Variants in HMBOX1 observed in about 807,000 individuals in gnomAD.
HMBOX1 encodes the protein homeobox-containing protein 1.
HMBOX1 carries 14 observed loss-of-function variants against 54.5 expected under a neutral mutation model. The observed-to-expected ratio is 0.26, with a 90% CI of 0.17 to 0.40. The LOEUF is 0.40. Among genes scored for constraint, HMBOX1 ranks in the 10% least tolerant of loss-of-function variants. HMBOX1 has a pLI of 1.00. For synonymous variants in HMBOX1, 160 were observed against 181.0 expected (o/e 0.88, Z 0.93); for missense variants, 332 against 514.4 (o/e 0.65, Z 3.43).
At chr8:29,035,623 G>A (rs1803731256) in intron 6 of HMBOX1, among the ~76,000 whole-genome samples, 1 of 152,198 alleles carries the variant, frequency 6.6e-6, no homozygotes, top group Non-Finnish European at 1.5e-5. Context: ...AGGTACCACG[G>A]TTTCCGCTGG....
chr8:28,989,527 A>C (rs895442996), intron 4 of HMBOX1, among the ~76,000 whole-genome samples: 2 of 152,142 alleles, frequency 1.3e-5, no homozygotes, highest in East Asian at 1.9e-4. Context: ...TTGGACATGC[A>C]TGCAAGGTCT....
intron 2 of HMBOX1, among the ~76,000 whole-genome samples, chr8:28,968,755 C>G (rs1826881146): frequency 6.6e-6 from 1 of 152,204 alleles, no homozygotes; most frequent in Non-Finnish European, 1.5e-5. Context: ...CTGTTTCCAT[C>G]TGCAAACACT....
intron 1 of HMBOX1, among the ~76,000 whole-genome samples, chr8:28,898,701 C>T (rs1017890012): frequency 6.6e-6 from 1 of 152,182 alleles, no homozygotes; most frequent in African/African-American, 2.4e-5. Context: ...GCTTCTCTGA[C>T]TGGTAAGTGG....
At chr8:28,922,301 G>A (rs886960635) in intron 1 of HMBOX1, among the ~76,000 whole-genome samples, 11 of 152,146 alleles carry the variant, frequency 7.2e-5, no homozygotes, top group Admixed American at 3.3e-4. Flanking sequence ...CTTTGCAAAT[G>A]CTACGCTATT....
At chr8:28,981,741 G>T (rs1017651694) in intron 4 of HMBOX1, among the ~76,000 whole-genome samples, 1 of 151,746 alleles carries the variant, frequency 6.6e-6, no homozygotes, top group African/African-American at 2.4e-5. Context: ...GCAAATCATA[G>T]TAACATATGT....
At chr8:28,989,731 T>C (rs1411717094) in intron 4 of HMBOX1, among the ~76,000 whole-genome samples, 1 of 152,236 alleles carries the variant, frequency 6.6e-6, no homozygotes, top group Non-Finnish European at 1.5e-5. Flanking sequence ...TTTCAGTTTC[T>C]ACAAAAAGCA....
intron 4 of HMBOX1, among the ~76,000 whole-genome samples, chr8:29,000,099 T>C (rs1354625023): frequency 6.6e-6 from 1 of 152,218 alleles, no homozygotes; most frequent in Non-Finnish European, 1.5e-5. Context: ...AAAGTTATTA[T>C]TCTTTGTGGT....
intron 6 of HMBOX1, among the ~76,000 whole-genome samples, chr8:29,030,908 A>G (rs1802861478): frequency 6.6e-6 from 1 of 152,216 alleles, no homozygotes; most frequent in East Asian, 1.9e-4. Flanking sequence ...CATTATAGAA[A>G]TGAAATATCT....
chr8:29,011,162 A>G (rs890143404), intron 5 of HMBOX1, among the ~76,000 whole-genome samples: 7 of 152,230 alleles, frequency 4.6e-5, no homozygotes, highest in Non-Finnish European at 7.3e-5. Context: ...AATATGTGGT[A>G]TGAGTATGGT....
At chr8:28,944,950 A>C (rs954657228) in intron 1 of HMBOX1, among the ~76,000 whole-genome samples, 1 of 152,058 alleles carries the variant, frequency 6.6e-6, no homozygotes, top group Admixed American at 6.5e-5. Context: ...GCTGAGAGAT[A>C]CCTGCCTAGC....
At chr8:28,903,212 T>G (rs1813585159) in intron 1 of HMBOX1, among the ~76,000 whole-genome samples, 1 of 152,194 alleles carries the variant, frequency 6.6e-6, no homozygotes, top group African/African-American at 2.4e-5. Context: ...TAATATAGTT[T>G]TAGATTACAA....
At chr8:28,952,423 G>A (rs188538846) in intron 1 of HMBOX1, among the ~76,000 whole-genome samples, 97 of 152,040 alleles carry the variant, frequency 6.4e-4, no homozygotes, top group African/African-American at 2.3e-3. Context: ...TGTTAAAGAC[G>A]AGGTTTCACC....
At chr8:28,952,433 C>T (rs1823635080) in intron 1 of HMBOX1, among the ~76,000 whole-genome samples, 1 of 151,966 alleles carries the variant, frequency 6.6e-6, no homozygotes, top group South Asian at 2.1e-4. Context: ...GAGGTTTCAC[C>T]ATGTTAGCCA....
At chr8:28,940,384 C>T (rs534627575) in intron 1 of HMBOX1, among the ~76,000 whole-genome samples, 1 of 152,328 alleles carries the variant, frequency 6.6e-6, no homozygotes, top group Non-Finnish European at 1.5e-5. Context: ...CCCAACCTCT[C>T]TGACAAAGTC....
chr8:29,019,837 T>C (rs1800892935), intron 6 of HMBOX1, among the ~76,000 whole-genome samples: 1 of 152,232 alleles, frequency 6.6e-6, no homozygotes, highest in African/African-American at 2.4e-5. Flanking sequence ...GCTCATGAAC[T>C]TCACTACCTG....
At chr8:28,911,608 G>A (rs183138290) in intron 1 of HMBOX1, among the ~76,000 whole-genome samples, 179 of 152,098 alleles carry the variant, frequency 1.2e-3, no homozygotes, top group African/African-American at 3.8e-3. Context: ...CACCCACCTC[G>A]GCCTCCCAAA....
intron 4 of HMBOX1, among the ~76,000 whole-genome samples, chr8:29,005,937 T>A (rs991567772): frequency 3.3e-5 from 5 of 152,114 alleles, no homozygotes; most frequent in Admixed American, 1.3e-4. Flanking sequence ...TCTTTTTCTA[T>A]TTAGTATAGT....
chr8:28,901,531 C>T (rs974329417), intron 1 of HMBOX1, among the ~76,000 whole-genome samples: 4 of 152,134 alleles, frequency 2.6e-5, no homozygotes, highest in African/African-American at 9.7e-5. Context: ...CCTTTATTGT[C>T]TATAGTTGCC....
At position 28,927,524 on chromosome 8, in the gene HMBOX1, TAGG is replaced by T. The variant is rs112564326; in HGVS notation, c.-57-36276_-57-36274del. ...GTGCAGAGATCACATGGCAAGGTAG[TAGG>T]AGGAGGAGGAAAAAGAGAAGGAAGA... On this transcript the variant is annotated intron_variant, in intron 1 of 9. Coordinates refer to ENST00000287701, the MANE Select transcript of HMBOX1 (RefSeq NM_001135726.3). Among the ~76,000 whole-genome samples the T allele has an allele frequency of 6.6e-3, 999 of 151,122 alleles. 10 individuals carry two copies. The highest frequency in any genetic ancestry group is 0.052 in the East Asian group (264 of 5,112).
Sources: allele counts gnomAD v4.1 joint callset (sites outside exome capture counted in the v4.1 genomes callset), GRCh38; gene constraint gnomAD v4.1.1; transcripts MANE v1.5; gene names NCBI Gene and HGNC (gene_info 2026-07-23, HGNC 2026-07-21).